Variants in RAD18 observed in about 807,000 individuals in gnomAD.
RAD18 encodes E3 ubiquitin-protein ligase RAD18.
RAD18 carries 47 observed loss-of-function variants against 60.4 expected under a neutral mutation model. The observed-to-expected ratio is 0.78, with a 90% confidence interval of 0.62 to 0.99. RAD18 has a LOEUF of 0.99. Ranked by LOEUF, RAD18 falls within the 50% of genes least tolerant of loss-of-function variation. RAD18 has a pLI of 0.00. For synonymous variants in RAD18, 225 were observed against 195.5 expected (o/e 1.15, Z -1.26); for missense variants, 640 against 593.3 (o/e 1.08, Z -0.82).
At chr3:8,946,318 A>C (rs145227576) in intron 4 of RAD18, among the ~76,000 whole-genome samples, 3 of 152,358 alleles carry the variant, frequency 2.0e-5, no homozygotes, top group Admixed American at 1.3e-4. Flanking sequence ...TGCCATATAG[A>C]ATAGGAGTGT....
intron 4 of RAD18, among the ~76,000 whole-genome samples, chr3:8,942,245 G>C (rs538136853): frequency 1.4e-4 from 21 of 152,274 alleles, no homozygotes; most frequent in Non-Finnish European, 2.8e-4. Flanking sequence ...TGCTGTCCTT[G>C]TAACAGTGAG....
chr3:8,961,382 C>CT (rs1941093116), intron 1 of RAD18, among the ~76,000 whole-genome samples: 1 of 152,170 alleles, frequency 6.6e-6, no homozygotes, highest in Non-Finnish European at 1.5e-5. Context: ...CAAAAATACT[C>CT]TTAAGTTTTT....
chr3:8,902,589 G>C (rs1939933040), intron 9 of RAD18, 69 bp from the exon 10 acceptor site: 2 of 1,445,560 alleles, frequency 1.4e-6, no homozygotes, highest in Admixed American at 2.2e-5. Flanking sequence ...CTGACAAACT[G>C]AATATCAAGA....
chr3:8,891,013 T>C (rs1939676500), intron 11 of RAD18, among the ~76,000 whole-genome samples: 1 of 151,798 alleles, frequency 6.6e-6, no homozygotes, highest in Admixed American at 6.6e-5. Flanking sequence ...ACAAATATGA[T>C]GTCTGTTTGT....
chr3:8,909,412 G>A (rs1359106766), intron 9 of RAD18, among the ~76,000 whole-genome samples: 1 of 152,104 alleles, frequency 6.6e-6, no homozygotes, highest in East Asian at 1.9e-4. Context: ...AAGAGTAGAT[G>A]GGGGATGACT....
At chr3:8,921,518 T>C (rs893670025) in intron 7 of RAD18, among the ~76,000 whole-genome samples, 2 of 152,114 alleles carry the variant, frequency 1.3e-5, no homozygotes, top group African/African-American at 4.8e-5. Context: ...TAGCTGGGCA[T>C]GCGCTTGTAG....
At chr3:8,897,808 G>T (rs1217404458) in intron 11 of RAD18, among the ~76,000 whole-genome samples, 1 of 152,184 alleles carries the variant, frequency 6.6e-6, no homozygotes, top group East Asian at 1.9e-4. Flanking sequence ...GCTCATGCCT[G>T]TAATTCCAGC....
In RAD18 at chr3:8,881,273, C is replaced by T. The variant is rs1939457270; in HGVS notation, c.*84G>A. 1 of 1,064,542 alleles carries T rather than the reference C, an allele frequency of 9.4e-7. No individual in the cohort carries two copies. The highest frequency in any genetic ancestry group is 1.4e-6 in the Non-Finnish European group (1 of 712,698). 65.9% of individuals were successfully genotyped at this position (1,064,542 alleles called of 1,614,324 possible). On this transcript the variant is annotated 3_prime_UTR_variant, in exon 13 of 13. Transcript: ENST00000264926. ...TTAGAATTTAGCATCTTTCCTTGGG[C>T]ATTTATAAATAGAAAATCTATCTGT...
At chr3:8,920,199 A>C (rs1231423033) in intron 7 of RAD18, among the ~76,000 whole-genome samples, 4 of 151,600 alleles carry the variant, frequency 2.6e-5, no homozygotes, top group Non-Finnish European at 5.9e-5. Context: ...GAATGGCGTG[A>C]ACCTGGGAGG....
chr3:8,959,017 G>C lies in RAD18; in HGVS notation c.52-16C>G. On this transcript the variant is annotated splice_polypyrimidine_tract_variant and intron_variant, in intron 1 of 12. Coordinates refer to ENST00000264926, the MANE Select transcript of RAD18 (RefSeq NM_020165.4). ...CATCTATTGTCTGAAATGCAAATAT[G>C]CATATATACATATCAGAAAGACATC... 6.2e-7 allele frequency: 1 copy of C among 1,603,504 alleles called. No individual in the cohort carries two copies. Among genetic ancestry groups the C allele is most frequent in the Non-Finnish European group, 8.5e-7 (1 of 1,170,852 alleles).
At chr3:8,884,011 A>T (rs1409669311) in intron 12 of RAD18, among the ~76,000 whole-genome samples, 1 of 152,218 alleles carries the variant, frequency 6.6e-6, no homozygotes, top group East Asian at 1.9e-4. Flanking sequence ...TAAAGTAAAG[A>T]TAGTCTTGCA....
At chr3:8,944,948 C>A (rs1353743764) in intron 4 of RAD18, among the ~76,000 whole-genome samples, 1 of 152,086 alleles carries the variant, frequency 6.6e-6, no homozygotes, top group Non-Finnish European at 1.5e-5. Context: ...TCTGTGGATT[C>A]AACTAATCAC....
chr3:8,955,063 G>A (rs9827283), intron 2 of RAD18, among the ~76,000 whole-genome samples: 43,672 of 152,078 alleles, frequency 0.29, 10,435 homozygotes, highest in African/African-American at 0.66. Context: ...CAAACAACAT[G>A]TATCCCTAGG....
chr3:8,959,248 C>T (rs1433951066), intron 1 of RAD18, among the ~76,000 whole-genome samples: 4 of 152,196 alleles, frequency 2.6e-5, no homozygotes, highest in East Asian at 1.9e-4. Context: ...GATGGCACAC[C>T]GATTCTTGTG....
chr3:8,918,505 A>G (rs1305971760), intron 7 of RAD18, among the ~76,000 whole-genome samples: 7 of 152,162 alleles, frequency 4.6e-5, no homozygotes, highest in African/African-American at 4.8e-5. Flanking sequence ...ACCCTGATAT[A>G]TAACAGACAA....
chr3:8,955,339 G>A (rs761628845), intron 2 of RAD18, among the ~76,000 whole-genome samples: 10 of 152,150 alleles, frequency 6.6e-5, no homozygotes, highest in Non-Finnish European at 1.5e-4. Context: ...GCTGGCCAGA[G>A]GACTGGCTTC....
At chr3:8,930,750 C>T (rs1471970705) in intron 7 of RAD18, among the ~76,000 whole-genome samples, 2 of 152,134 alleles carry the variant, frequency 1.3e-5, no homozygotes, top group Non-Finnish European at 2.9e-5. Flanking sequence ...AAACCTATCA[C>T]ACTTAATAGT....
intron 6 of RAD18, among the ~76,000 whole-genome samples, chr3:8,936,906 G>C (rs748689511): frequency 6.6e-6 from 1 of 151,808 alleles, no homozygotes; most frequent in Admixed American, 6.6e-5. Flanking sequence ...TGATATAAAC[G>C]GTCCAATAAT....
chr3:8,895,135 AACTC>A, intron 11 of RAD18, among the ~76,000 whole-genome samples: 1 of 152,126 alleles, frequency 6.6e-6, no homozygotes. Flanking sequence ...CAAAAAAAAA[AACTC>A]ACCACCTGAA....
Sources: gnomAD v4.1 joint callset for allele counts (sites outside exome capture counted in the v4.1 genomes callset) on GRCh38, gnomAD v4.1.1 for gene constraint, MANE v1.5 for transcripts, NCBI Gene and HGNC (gene_info 2026-07-23, HGNC 2026-07-21) for gene names.